Variants in GCNT1 observed in about 807,000 individuals in gnomAD.
The protein encoded by GCNT1 is glucosaminyl (N-acetyl) transferase 1.
Under a neutral mutation model 26.2 loss-of-function variants are expected in GCNT1, and 16 were observed. The observed-to-expected ratio is 0.61, with a 90% CI of 0.41 to 0.93. The LOEUF (loss-of-function observed/expected upper bound fraction) is 0.93. GCNT1 is among the 40% of genes least tolerant of loss of function. The probability of loss-of-function intolerance (pLI) is 0.00; values close to 1 mark genes in which losing one functional copy is unlikely to be tolerated. For synonymous variants in GCNT1, 183 were observed against 190.8 expected (o/e 0.96, Z 0.34); for missense variants, 477 against 526.7 (o/e 0.91, Z 0.92).
chr9:76,424,289 C>T (rs1823233665), intron 1 of GCNT1, among the ~76,000 whole-genome samples: 1 of 152,194 alleles, frequency 6.6e-6, no homozygotes, highest in South Asian at 2.1e-4. Context: ...GTCTGTGCAG[C>T]AGGAGCCTGC....
At position 76,503,133 on chromosome 9, in the gene GCNT1, A is replaced by G; in HGVS notation, c.752A>G (p.Lys251Arg). 1.9e-6 allele frequency: 3 copies of G among 1,614,200 alleles called. No homozygotes were observed. The highest frequency in any genetic ancestry group is 2.5e-6 in the Non-Finnish European group (3 of 1,180,036). Residue 251 changes from lysine to arginine, a missense_variant, in exon 4 of 4, where the codon AAA (lysine) becomes AGA (arginine). Lys to Arg is a conservative substitution (Grantham distance 26). Transcript: ENST00000376730. ...NLETERMPSH[K>R]EERWKKRYEV... ...GAAACGGAGAGGATGCCATCCCATAAAGAAGAAAGGTGGAAGAAGCGGTAT... is the reference window on the plus strand; with the variant it reads ...GAAACGGAGAGGATGCCATCCCATAGAGAAGAAAGGTGGAAGAAGCGGTAT...
chr9:76,503,697 G>A lies in GCNT1; in HGVS notation c.*29G>A, dbSNP rs1272362148. 1 of 1,549,166 alleles carries A rather than the reference G, an allele frequency of 6.5e-7. No homozygotes were observed. The highest frequency in any genetic ancestry group is 8.9e-7 in the Non-Finnish European group (1 of 1,126,184). The stretch of plus-strand genomic sequence containing the variant: ...TTACGGGCAATTTTATGAACAAGAA[G>A]AAGGATACACAAAACGTACCCTTAT... On this transcript the variant is annotated 3_prime_UTR_variant, in exon 4 of 4. Transcript: ENST00000376730.
rs1824022589 is a variant in GCNT1, at chr9:76,467,293, TG to T, written c.-290+7118del. ...TCCTGACCTAGTGATCCACCCGCCT[TG>T]GCCTCCCAAAGTGCTGGGATTACAG... On this transcript the variant is annotated intron_variant, in intron 2 of 3. Transcript: ENST00000376730. 1.3e-5 allele frequency among the ~76,000 whole-genome samples: 2 copies of T among 152,174 alleles called. 1 individual carries two copies. The highest frequency in any genetic ancestry group is 4.1e-4 in the South Asian group (2 of 4,828).
intron 2 of GCNT1, among the ~76,000 whole-genome samples, chr9:76,464,386 T>C (rs940149968): frequency 3.3e-5 from 5 of 151,642 alleles, no homozygotes; most frequent in Non-Finnish European, 5.9e-5. Context: ...CTGAGTAATT[T>C]TTGTATTTTT....
the GCNT1 span, chr9:76,399,477 A>G: frequency 3.1e-6 from 5 of 1,590,678 alleles, no homozygotes; most frequent in East Asian, 8.9e-5. Flanking sequence ...GTGCCTATTC[A>G]GCAGTTCCCT....
intron 2 of GCNT1, among the ~76,000 whole-genome samples, chr9:76,491,123 GTC>G (rs1178364113): frequency 1.3e-5 from 2 of 151,516 alleles, no homozygotes; most frequent in South Asian, 2.1e-4. Flanking sequence ...CTTCTTCTTT[GTC>G]TCTCTCTTTT....
intron 1 of GCNT1, among the ~76,000 whole-genome samples, chr9:76,444,689 C>T (rs1393074639): frequency 6.6e-6 from 1 of 152,180 alleles, no homozygotes; most frequent in Non-Finnish European, 1.5e-5. Context: ...ACAGGCAATT[C>T]TTTTGACACA....
At chr9:76,482,541 G>A (rs1028284569) in intron 2 of GCNT1, among the ~76,000 whole-genome samples, 12 of 151,820 alleles carry the variant, frequency 7.9e-5, no homozygotes, top group East Asian at 2.0e-4. Context: ...GGAGAATGGC[G>A]TGAACCCAGG....
chr9:76,489,622 C>T (rs957426852), intron 2 of GCNT1, among the ~76,000 whole-genome samples: 2 of 152,150 alleles, frequency 1.3e-5, no homozygotes, highest in Non-Finnish European at 2.9e-5. Context: ...CTGATTGGTG[C>T]ATTTACAATC....
At position 76,504,915 on chromosome 9, in the gene GCNT1, T is replaced by A. The variant is rs528930413; in HGVS notation, c.*1247T>A. 3.4e-5 allele frequency: 14 copies of A among 407,746 alleles called. No individual in the cohort carries two copies. The highest frequency in any genetic ancestry group is 5.8e-5 in the Non-Finnish European group (13 of 223,548). The allele number at this position is 407,746 out of a possible 1,614,324, so 25.3% of individuals were successfully genotyped here. ...AGGGAACTTTGGGTTTGGGACAGAT[T>A]TTTTTTTTTGTTTTTGGTATCATTC... On this transcript the variant is annotated 3_prime_UTR_variant, in exon 4 of 4. Transcript: ENST00000376730.
At chr9:76,403,872 GT>G in the GCNT1 span, among the ~76,000 whole-genome samples, 3 of 152,160 alleles carry the variant, frequency 2.0e-5, no homozygotes, top group African/African-American at 7.2e-5. Flanking sequence ...TTAAAAAATT[GT>G]TTTTAATTAT....
the GCNT1 span, among the ~76,000 whole-genome samples, chr9:76,400,105 CAG>C: frequency 4.6e-5 from 7 of 152,268 alleles, no homozygotes; most frequent in Middle Eastern, 6.8e-3. Flanking sequence ...ATGTGAAGCA[CAG>C]GGGATTTTTA....
At chr9:76,457,626 A>G (rs894619021), upstream of GCNT1, among the ~76,000 whole-genome samples, 12 of 152,230 alleles carry the variant, frequency 7.9e-5, no homozygotes, top group African/African-American at 2.9e-4. Context: ...CATTTAATGA[A>G]TATCTATTAC....
chr9:76,438,280 G>A (rs1823436379), upstream of GCNT1, among the ~76,000 whole-genome samples: 1 of 152,282 alleles, frequency 6.6e-6, no homozygotes, highest in South Asian at 2.1e-4. Context: ...GGGAGGTGTG[G>A]GGGGTGGCTT....
chr9:76,430,805 C>T lies in GCNT1; in HGVS notation n.38+10918C>T, dbSNP rs1823328684. 2.6e-5 allele frequency among the ~76,000 whole-genome samples: 4 copies of T among 152,032 alleles called. 1 individual carries two copies. The highest frequency in any genetic ancestry group is 2.6e-4 in the Admixed American group (4 of 15,262). On this transcript the variant is annotated intron_variant and non_coding_transcript_variant, in intron 1 of 3. Coordinates refer to the GCNT1 transcript ENST00000488136. The stretch of plus-strand genomic sequence containing the variant: ...CTCAAGTGATTCTTGTGCCTCAGGC[C>T]CCTGAGTAGCTGGGAATACAGGTGT...
At chr9:76,485,581 A>G (rs981688900) in intron 2 of GCNT1, among the ~76,000 whole-genome samples, 1 of 152,130 alleles carries the variant, frequency 6.6e-6, no homozygotes, top group Non-Finnish European at 1.5e-5. Context: ...TTTCTCTCAA[A>G]TATTTTCTGG....
At chr9:76,491,619 T>G (rs1384401908) in intron 2 of GCNT1, among the ~76,000 whole-genome samples, 1 of 152,232 alleles carries the variant, frequency 6.6e-6, no homozygotes, top group African/African-American at 2.4e-5. Flanking sequence ...CATCACTAAC[T>G]GTGGCATAAC....
chr9:76,438,928 G>A (rs188313871), upstream of GCNT1, among the ~76,000 whole-genome samples: 4 of 152,302 alleles, frequency 2.6e-5, no homozygotes, highest in Admixed American at 1.3e-4. Context: ...ATAGTAAGCC[G>A]TGTATGTGTG....
At chr9:76,446,807 C>A (rs144759442) in intron 1 of GCNT1, among the ~76,000 whole-genome samples, 1 of 152,160 alleles carries the variant, frequency 6.6e-6, no homozygotes, top group African/African-American at 2.4e-5. Context: ...CATATATGGG[C>A]CAAGCATAGT....
Sources: gnomAD v4.1 joint callset for allele counts (sites outside exome capture counted in the v4.1 genomes callset) on GRCh38, gnomAD v4.1.1 for gene constraint, MANE v1.5 for transcripts, NCBI Gene and HGNC (gene_info 2026-07-23, HGNC 2026-07-21) for gene names.